Variants in BLTP3A observed in about 807,000 individuals in gnomAD.
The protein encoded by BLTP3A is bridge-like lipid transfer protein family member 3A, also known as ICBP90 binding protein 1.
At chr6:34,825,291 G>A in the BLTP3A span, among the ~76,000 whole-genome samples, 2 of 151,730 alleles carry the variant, frequency 1.3e-5, no homozygotes, top group African/African-American at 4.8e-5. Context: ...TCTCTCTCTG[G>A]CCTCTTTTCT....
chr6:34,864,088 C>T, the BLTP3A span: 33 of 1,613,742 alleles, frequency 2.0e-5, no homozygotes, highest in African/African-American at 8.0e-5. Context: ...ATGAAGAGGA[C>T]GGTATCTCAA....
chr6:34,855,084 A>G, the BLTP3A span, among the ~76,000 whole-genome samples: 5 of 152,282 alleles, frequency 3.3e-5, no homozygotes, highest in African/African-American at 4.8e-5. Flanking sequence ...TGTTTATTTT[A>G]TAATGTCCTG....
chr6:34,827,095 G>A, the BLTP3A span, among the ~76,000 whole-genome samples: 1 of 152,062 alleles, frequency 6.6e-6, no homozygotes, highest in South Asian at 2.1e-4. Flanking sequence ...GGTGGATCAC[G>A]AGGTCAGGAG....
the BLTP3A span, among the ~76,000 whole-genome samples, chr6:34,826,674 CTCTT>C: frequency 6.6e-6 from 1 of 152,084 alleles, no homozygotes; most frequent in Admixed American, 6.6e-5. Context: ...CGTACATTTA[CTCTT>C]TATACATGTT....
the BLTP3A span, among the ~76,000 whole-genome samples, chr6:34,855,380 T>A: frequency 1.3e-5 from 2 of 152,178 alleles, no homozygotes; most frequent in Non-Finnish European, 2.9e-5. Flanking sequence ...CTGGCAACCA[T>A]TTACAGAGAC....
At chr6:34,872,526 A>G in the BLTP3A span, 66 of 1,458,718 alleles carry the variant, frequency 4.5e-5, no homozygotes, top group Non-Finnish European at 5.3e-5. Context: ...CCAGTGCTGA[A>G]TAAGTCACTA....
chr6:34,803,245 A>G, the BLTP3A span, among the ~76,000 whole-genome samples: 1 of 151,808 alleles, frequency 6.6e-6, no homozygotes, highest in African/African-American at 2.4e-5. Context: ...AAAAAAAAAA[A>G]GGAATTGAGT....
chr6:34,815,132 G>A, the BLTP3A span, among the ~76,000 whole-genome samples: 1 of 152,274 alleles, frequency 6.6e-6, no homozygotes, highest in African/African-American at 2.4e-5. Flanking sequence ...AAGACCCTTC[G>A]TTCAGTGCCT....
chr6:34,859,860 G>A, the BLTP3A span, among the ~76,000 whole-genome samples: 2 of 151,818 alleles, frequency 1.3e-5, no homozygotes, highest in African/African-American at 4.8e-5. Context: ...CTCCTGCCTT[G>A]GCTTCCTGAG....
At chr6:34,821,618 TG>T in the BLTP3A span, 1 of 1,561,188 alleles carries the variant, frequency 6.4e-7, no homozygotes, top group South Asian at 1.2e-5. Context: ...CAGATTCCCA[TG>T]GAAATAATAG....
the BLTP3A span, chr6:34,856,447 C>G: frequency 6.3e-7 from 1 of 1,590,712 alleles, no homozygotes; most frequent in Non-Finnish European, 8.6e-7. Flanking sequence ...AGTTGCTTAG[C>G]CTCTTGCCAT....
At chr6:34,862,573 G>A in the BLTP3A span, among the ~76,000 whole-genome samples, 1 of 151,980 alleles carries the variant, frequency 6.6e-6, no homozygotes, top group Non-Finnish European at 1.5e-5. Context: ...GGTGGCTCAC[G>A]CCTGTAATCC....
At chr6:34,867,358 A>G in the BLTP3A span, 1 of 1,614,124 alleles carries the variant, frequency 6.2e-7, no homozygotes, top group South Asian at 1.1e-5. Flanking sequence ...CACCCAGTGG[A>G]GAAGACCTCA....
the BLTP3A span, among the ~76,000 whole-genome samples, chr6:34,807,920 A>G: frequency 6.6e-6 from 1 of 152,110 alleles, no homozygotes; most frequent in Non-Finnish European, 1.5e-5. Context: ...GGGCACCTGT[A>G]ATCTCAGCTA....
the BLTP3A span, among the ~76,000 whole-genome samples, chr6:34,808,346 C>CA: frequency 0.029 from 759 of 26,346 alleles, 74 homozygotes; most frequent in Non-Finnish European, 0.038. Context: ...AACTCCGTCT[C>CA]AAAAAAAAAA....
the BLTP3A span, among the ~76,000 whole-genome samples, chr6:34,801,329 G>A: frequency 6.6e-6 from 1 of 152,156 alleles, no homozygotes; most frequent in African/African-American, 2.4e-5. Context: ...CCCTATGTTA[G>A]CCTGCAAAAG....
At chr6:34,805,244 A>G in the BLTP3A span, among the ~76,000 whole-genome samples, 2 of 151,860 alleles carry the variant, frequency 1.3e-5, no homozygotes, top group African/African-American at 4.8e-5. Flanking sequence ...CTGTGCCACT[A>G]CACTTCAGCC....
chr6:34,817,220 T>C, the BLTP3A span, among the ~76,000 whole-genome samples: 1 of 152,176 alleles, frequency 6.6e-6, no homozygotes, highest in Non-Finnish European at 1.5e-5. Flanking sequence ...TAGATAGCCA[T>C]TTGTTTAGGA....
At chr6:34,806,087 A>AT in the BLTP3A span, among the ~76,000 whole-genome samples, 3 of 152,202 alleles carry the variant, frequency 2.0e-5, no homozygotes, top group Non-Finnish European at 4.4e-5. Context: ...ATTAGAGTTG[A>AT]TTTGCAATGT....
Sources: allele counts gnomAD v4.1 joint callset (sites outside exome capture counted in the v4.1 genomes callset), GRCh38; gene constraint gnomAD v4.1.1; transcripts MANE v1.5; gene names NCBI Gene and HGNC (gene_info 2026-07-23, HGNC 2026-07-21).